BPI: variants seen among roughly 807,000 people sequenced by gnomAD.
BPI encodes the protein bactericidal permeability increasing protein.
In BPI, 48 loss-of-function variants were observed where a neutral mutation model predicts 57.6. The ratio of observed to expected loss-of-function variants is 0.83; its 90% CI spans 0.66 to 1.06. The LOEUF is 1.06. Among genes scored for constraint, BPI ranks in the 50% least tolerant of loss-of-function variants. BPI has a pLI of 0.00. For synonymous variants in BPI, 237 were observed against 238.2 expected (o/e 0.99, Z 0.05); for missense variants, 651 against 609.7 (o/e 1.07, Z -0.71).
At chr20:38,322,919 T>C (rs1334536180) in intron 7 of BPI, among the ~76,000 whole-genome samples, 1 of 152,212 alleles carries the variant, frequency 6.6e-6, no homozygotes, top group African/African-American at 2.4e-5. Context: ...CATCTTATTA[T>C]TATTAAGAGT....
intron 3 of BPI, among the ~76,000 whole-genome samples, chr20:38,309,742 CA>C (rs1468360826): frequency 6.6e-6 from 1 of 152,168 alleles, no homozygotes; most frequent in Admixed American, 6.5e-5. Context: ...ACTACAACTC[CA>C]AATCTAAGTC....
At position 38,320,293 on chromosome 20, in the gene BPI, A is replaced by G; in HGVS notation, c.756+19A>G. Reference sequence around the variant, plus strand: ...GATGAAGGTGAGGCTGACACTGAGAATCATACACCCTCACACCTCTGTCTC... The same window carrying G: ...GATGAAGGTGAGGCTGACACTGAGAGTCATACACCCTCACACCTCTGTCTC... On this transcript the variant is annotated intron_variant, in intron 7 of 14. Transcript: ENST00000642449. 6.2e-7 allele frequency: 1 copy of G among 1,608,086 alleles called. No individual in the cohort carries two copies. Among genetic ancestry groups the G allele is most frequent in the Non-Finnish European group, 8.5e-7 (1 of 1,175,170 alleles).
intron 6 of BPI, 117 bp downstream of exon 6, chr20:38,318,593 A>G: frequency 9.1e-7 from 1 of 1,101,214 alleles, no homozygotes. Context: ...CCTGGGTGGG[A>G]ATGAGCAGAG....
At chr20:38,317,471 T>G (rs996905880) in intron 5 of BPI, among the ~76,000 whole-genome samples, 2 of 152,314 alleles carry the variant, frequency 1.3e-5, no homozygotes, top group Admixed American at 1.3e-4. Flanking sequence ...CTAGGAAGAC[T>G]TGAAGGCTCA....
chr20:38,329,709 CT>C (rs59390740), intron 11 of BPI, among the ~76,000 whole-genome samples: 19,887 of 151,924 alleles, frequency 0.13, 2,005 homozygotes, highest in East Asian at 0.52. Flanking sequence ...CGAAACCCTG[CT>C]TTATTTTATT....
At chr20:38,312,056 C>T (rs1273937318) in intron 5 of BPI, 119 bp downstream of exon 5, 1 of 978,856 alleles carries the variant, frequency 1.0e-6, no homozygotes, top group African/African-American at 1.6e-5. Context: ...TCCTTATGGC[C>T]CTTTGAAACC....
At chr20:38,324,949 A>T in intron 9 of BPI, 116 bp downstream of exon 9, 1 of 852,494 alleles carries the variant, frequency 1.2e-6, no homozygotes, top group Non-Finnish European at 1.9e-6. Flanking sequence ...ATCCAGAAAC[A>T]ACCCAGCATG....
At chr20:38,316,235 C>T (rs954599949) in intron 5 of BPI, among the ~76,000 whole-genome samples, 4 of 150,496 alleles carry the variant, frequency 2.7e-5, no homozygotes, top group Admixed American at 6.6e-5. Flanking sequence ...CCCTTTTCTT[C>T]CCTCCATACC....
chr20:38,314,400 G>T (rs940029290), intron 5 of BPI, among the ~76,000 whole-genome samples: 2 of 141,880 alleles, frequency 1.4e-5, no homozygotes, highest in African/African-American at 5.2e-5. Context: ...ATTGATGATG[G>T]TGATGGTGGG....
intron 5 of BPI, among the ~76,000 whole-genome samples, chr20:38,316,818 C>T (rs1481139473): frequency 6.6e-6 from 1 of 152,086 alleles, no homozygotes; most frequent in Non-Finnish European, 1.5e-5. Context: ...GAGCACAGTC[C>T]AGAGAGTGTG....
chr20:38,317,139 T>C (rs1426594398), intron 5 of BPI, among the ~76,000 whole-genome samples: 1 of 152,028 alleles, frequency 6.6e-6, no homozygotes, highest in Admixed American at 6.5e-5. Flanking sequence ...GAGGGAAAGG[T>C]CATTCGAGAG....
intron 7 of BPI, among the ~76,000 whole-genome samples, chr20:38,322,867 C>T (rs931396376): frequency 1.3e-5 from 2 of 152,202 alleles, no homozygotes; most frequent in Admixed American, 6.5e-5. Flanking sequence ...GCCTTGGCCT[C>T]CCAAAATGCT....
intron 10 of BPI, among the ~76,000 whole-genome samples, chr20:38,327,199 A>G (rs919698433): frequency 6.6e-6 from 1 of 152,204 alleles, no homozygotes; most frequent in East Asian, 1.9e-4. Flanking sequence ...TTGCAGACAG[A>G]ATAGGTCCTA....
rs545458547 is a variant in BPI, at chr20:38,332,799, G to A, written c.1273-1631G>A. ...GTAGATTTGCCGCTACTGCCCTCAC[G>A]AGGGGCATTGATGACGAGTTGCCCC... On this transcript the variant is annotated intron_variant, in intron 12 of 14. Transcript: ENST00000642449. 2.3e-4 allele frequency among the ~76,000 whole-genome samples: 35 copies of A among 152,256 alleles called. No homozygotes were observed. The South Asian group carries it at 5.6e-3, about 24-fold the overall frequency.
chr20:38,335,324 T>C (rs903978833), intron 13 of BPI: 35 of 500,428 alleles, frequency 7.0e-5, no homozygotes, highest in Non-Finnish European at 1.2e-4. Context: ...ATTTTTGGTT[T>C]AGTGTATACC....
intron 11 of BPI, 55 bp downstream of exon 11, chr20:38,327,710 G>T: frequency 6.3e-7 from 1 of 1,581,370 alleles, no homozygotes; most frequent in South Asian, 1.1e-5. Flanking sequence ...TGGTGTCTGT[G>T]GGATGACAGT....
At chr20:38,324,146 G>A (rs2076700739) in intron 8 of BPI, 100 bp downstream of exon 8, 9 of 1,388,210 alleles carry the variant, frequency 6.5e-6, no homozygotes, top group South Asian at 4.3e-5. Flanking sequence ...CATTGGGGTA[G>A]GTTAAAGTGT....
At chr20:38,313,896 G>C (rs934083405) in intron 5 of BPI, among the ~76,000 whole-genome samples, 5 of 151,762 alleles carry the variant, frequency 3.3e-5, no homozygotes, top group Non-Finnish European at 4.4e-5. Flanking sequence ...TGATGATGAT[G>C]ATGGTGATTC....
chr20:38,321,054 A>AGGGT (rs1325296440), intron 7 of BPI, among the ~76,000 whole-genome samples: 1 of 1,578 alleles, frequency 6.3e-4, no homozygotes. Flanking sequence ...GGCGGATGTA[A>AGGGT]AGGTAGGTGG....
Sources: allele counts gnomAD v4.1 joint callset (sites outside exome capture counted in the v4.1 genomes callset), GRCh38; gene constraint gnomAD v4.1.1; transcripts MANE v1.5; gene names NCBI Gene and HGNC (gene_info 2026-07-23, HGNC 2026-07-21).